The following CDH4 variants were observed in gnomAD, a reference collection of about 807,000 sequenced individuals.
CDH4 encodes the protein cadherin-4.
A neutral mutation model predicts 86.0 loss-of-function variants in CDH4; 33 were observed. The observed-to-expected ratio is 0.38, with a 90% CI of 0.29 to 0.51. The LOEUF (loss-of-function observed/expected upper bound fraction) is 0.51, where lower values mean the gene tolerates loss of function less well. Among genes scored for constraint, CDH4 ranks in the 20% least tolerant of loss-of-function variants. The probability of loss-of-function intolerance (pLI) is 0.86; values close to 1 mark genes in which losing one functional copy is unlikely to be tolerated. For missense variants in CDH4, 1,114 were observed against 1,307.4 expected, an observed-to-expected ratio of 0.85 and a Z score of 2.28; for synonymous variants, 555 against 549.4, an observed-to-expected ratio of 1.01 and a Z score of -0.14.
At chr20:61,613,973 C>T (rs1200716776) in intron 2 of CDH4, among the ~76,000 whole-genome samples, 1 of 152,088 alleles carries the variant, frequency 6.6e-6, no homozygotes. Flanking sequence ...ACAAACGTGA[C>T]TAAGTCTCTG....
rs898224633 is a variant in CDH4, at chr20:61,653,795, G to A, written c.170-89768G>A. ...CCACATCCCAGACGATGGGCGGCCG[G>A]GCAGAGACGCTCCTCACTTCCTAGA... On this transcript the variant is annotated intron_variant, in intron 2 of 15. Transcript: ENST00000614565. 6.0e-5 allele frequency among the ~76,000 whole-genome samples: 7 copies of A among 117,242 alleles called. 1 individual carries two copies. Among genetic ancestry groups the A allele is most frequent in the Admixed American group, 5.8e-4 (7 of 12,142 alleles). 76.9% of individuals were successfully genotyped at this position (117,242 alleles called of 152,430 possible).
At chr20:61,409,280 G>A (rs922104987) in intron 2 of CDH4, among the ~76,000 whole-genome samples, 3 of 152,162 alleles carry the variant, frequency 2.0e-5, no homozygotes. Context: ...CTGGGACTCA[G>A]AGAGAACTTC....
chr20:61,421,849 C>G (rs114190518), intron 2 of CDH4, among the ~76,000 whole-genome samples: 2,331 of 152,236 alleles, frequency 0.015, 63 homozygotes, highest in African/African-American at 0.052. Context: ...TGAATAGTAT[C>G]GAGTTCTAAC....
At chr20:61,920,114 C>T (rs1409086973) in intron 9 of CDH4, among the ~76,000 whole-genome samples, 61 of 812 alleles carry the variant, frequency 0.075, no homozygotes, top group African/African-American at 0.17. Flanking sequence ...TGATTGGAAG[C>T]GTGTCACGGT....
At chr20:61,489,996 A>G (rs1233150447) in intron 2 of CDH4, among the ~76,000 whole-genome samples, 1 of 152,116 alleles carries the variant, frequency 6.6e-6, no homozygotes, top group African/African-American at 2.4e-5. Flanking sequence ...CATTGTGATG[A>G]TGGGCCAAGT....
At chr20:61,850,343 C>T (rs995809238) in intron 5 of CDH4, among the ~76,000 whole-genome samples, 4 of 152,220 alleles carry the variant, frequency 2.6e-5, no homozygotes, top group Admixed American at 6.5e-5. Flanking sequence ...ACGCACGGTG[C>T]GTGTTGGCTG....
chr20:61,314,180 T>C (rs1446995053), intron 2 of CDH4, among the ~76,000 whole-genome samples: 1 of 152,228 alleles, frequency 6.6e-6, no homozygotes, highest in East Asian at 1.9e-4. Context: ...CCATACAGTG[T>C]TGCTACCCCT....
Position 61,636,147 on chromosome 20 carries a change from C to T in CDH4, c.170-107416C>T, listed in dbSNP as rs180911004. On this transcript the variant is annotated intron_variant, in intron 2 of 15. Transcript: ENST00000614565. ...CACTTCCAATACAGAAAGCTTGCCC[C>T]GCCCTTCCTTTGGCAACTGGGCTAA... is the stretch of plus-strand genomic sequence containing the variant. 3.3e-5 allele frequency among the ~76,000 whole-genome samples: 5 copies of T among 152,346 alleles called. 1 individual carries two copies. The highest frequency in any genetic ancestry group is 1.9e-4 in the East Asian group (1 of 5,180).
At chr20:61,457,800 C>A (rs922221901) in intron 2 of CDH4, among the ~76,000 whole-genome samples, 1 of 141,586 alleles carries the variant, frequency 7.1e-6, no homozygotes, top group Non-Finnish European at 1.5e-5. Flanking sequence ...AGTGCTGATG[C>A]TGGTGGTGGC....
At chr20:61,537,558 A>T (rs1229665671) in intron 2 of CDH4, among the ~76,000 whole-genome samples, 1 of 152,104 alleles carries the variant, frequency 6.6e-6, no homozygotes, top group Middle Eastern at 3.2e-3. Flanking sequence ...GAAGACACAA[A>T]CCTGGAAGGA....
intron 2 of CDH4, among the ~76,000 whole-genome samples, chr20:61,293,767 A>G (rs1327047641): frequency 6.6e-6 from 1 of 152,208 alleles, no homozygotes; most frequent in African/African-American, 2.4e-5. Flanking sequence ...GCTGAGGCCA[A>G]GAAAGAGCCA....
chr20:61,545,513 A>G (rs1371936281), intron 2 of CDH4, among the ~76,000 whole-genome samples: 2 of 152,072 alleles, frequency 1.3e-5, no homozygotes, highest in Non-Finnish European at 2.9e-5. Flanking sequence ...CTGTCTGGGC[A>G]CCCACATCTT....
intron 2 of CDH4, among the ~76,000 whole-genome samples, chr20:61,600,860 T>TGAATCTGCGGGTGCA (rs1347983760): frequency 6.6e-6 from 1 of 152,210 alleles, no homozygotes; most frequent in African/African-American, 2.4e-5. Flanking sequence ...CTCAGTTGGT[T>TGAATCTGCGGGTGCA]GAATCTGCGG....
intron 2 of CDH4, among the ~76,000 whole-genome samples, chr20:61,653,835 G>C (rs1328701240): frequency 7.5e-6 from 1 of 133,708 alleles, no homozygotes; most frequent in South Asian, 2.4e-4. Flanking sequence ...ATGGCGGCCG[G>C]GCAGAGACGC....
chr20:61,269,342 A>G lies in CDH4; in HGVS notation c.169+14405A>G, dbSNP rs2084172253. ...ACCCCATCCTCTGTATCACCTTGGA[A>G]CCAGCCCCCCATGGAGACCTGGTAT... On this transcript the variant is annotated intron_variant, in intron 2 of 15. Transcript: ENST00000614565. This position sits in a 1 kb window ranked among gnomAD's most constrained non-coding sequence, Gnocchi z 5.3. 6.6e-6 allele frequency among the ~76,000 whole-genome samples: 1 copy of G among 152,118 alleles called. No individual in the cohort carries two copies. Among genetic ancestry groups the G allele is most frequent in the Non-Finnish European group, 1.5e-5 (1 of 68,004 alleles).
At chr20:61,390,514 T>C (rs13038930) in intron 2 of CDH4, among the ~76,000 whole-genome samples, 1 of 138,008 alleles carries the variant, frequency 7.2e-6, no homozygotes, top group Non-Finnish European at 1.6e-5. Flanking sequence ...GAAACCCCAA[T>C]TGAGATCGTA....
chr20:61,746,997 C>T (rs140590084), intron 3 of CDH4, among the ~76,000 whole-genome samples: 2,457 of 152,344 alleles, frequency 0.016, 40 homozygotes, highest in Non-Finnish European at 0.018. Flanking sequence ...CCAGAAGCAA[C>T]TGTGCATCTC....
chr20:61,726,845 CCATCACTGCCATCAT>C lies in CDH4; in HGVS notation c.170-16711_170-16697del, dbSNP rs2088119083. On this transcript the variant is annotated intron_variant, in intron 2 of 15. Coordinates refer to ENST00000614565, the MANE Select transcript of CDH4 (RefSeq NM_001794.5). The stretch of plus-strand genomic sequence containing the variant: ...ATCATCACCATCACTGCCATCATCA[CCATCACTGCCATCAT>C]CATCACCATCGGAGGCATCACCATT... 1.1e-4 allele frequency among the ~76,000 whole-genome samples: 6 copies of C among 53,034 alleles called. 1 individual carries two copies. In the South Asian group the frequency reaches 5.9e-3, roughly 52 times the overall value. 34.8% of individuals were successfully genotyped at this position (53,034 alleles called of 152,430 possible).
intron 4 of CDH4, among the ~76,000 whole-genome samples, chr20:61,832,234 C>T (rs949219108): frequency 1.3e-5 from 2 of 152,202 alleles, no homozygotes; most frequent in African/African-American, 4.8e-5. Flanking sequence ...GGCCAGGACA[C>T]CTGGGTTCTG....
Sources: gnomAD v4.1 joint callset for allele counts (sites outside exome capture counted in the v4.1 genomes callset) on GRCh38, gnomAD v4.1.1 for gene constraint, Gnocchi (gnomAD v3.1) non-coding constraint, MANE v1.5 for transcripts, NCBI Gene and HGNC (gene_info 2026-07-23, HGNC 2026-07-21) for gene names.